PLXDC1: variants seen among roughly 807,000 people sequenced by gnomAD.
PLXDC1 encodes the protein plexin domain-containing protein 1.
PLXDC1 carries 39 observed loss-of-function variants against 61.3 expected under a neutral mutation model. The ratio of observed to expected loss-of-function variants is 0.64; its 90% CI spans 0.49 to 0.83. PLXDC1 has a LOEUF of 0.83. Among genes scored for constraint, PLXDC1 ranks in the 40% least tolerant of loss-of-function variants. The pLI is 0.00. For missense variants in PLXDC1, 596 were observed against 666.5 expected (o/e 0.89, Z 1.17); for synonymous variants, 212 against 254.5 (o/e 0.83, Z 1.59).
At chr17:39,091,027 C>T (rs1909930411) in intron 7 of PLXDC1, among the ~76,000 whole-genome samples, 1 of 152,212 alleles carries the variant, frequency 6.6e-6, no homozygotes. Flanking sequence ...GCCCTGTTCC[C>T]ACCCGTCATC....
At chr17:39,099,601 T>C (rs1294350040) in intron 7 of PLXDC1, among the ~76,000 whole-genome samples, 1 of 151,670 alleles carries the variant, frequency 6.6e-6, no homozygotes, top group Admixed American at 6.6e-5. Flanking sequence ...GGAATGGGAG[T>C]GGGTCAGTCT....
intron 2 of PLXDC1, among the ~76,000 whole-genome samples, chr17:39,133,983 T>G (rs570564599): frequency 6.0e-5 from 9 of 150,018 alleles, no homozygotes; most frequent in African/African-American, 2.2e-4. Flanking sequence ...ATAGGCCAGG[T>G]GCAGTGGCTC....
chr17:39,095,348 A>G (rs1910115876), intron 7 of PLXDC1, among the ~76,000 whole-genome samples: 1 of 140,566 alleles, frequency 7.1e-6, no homozygotes, highest in Non-Finnish European at 1.5e-5. Flanking sequence ...TTTTTTTAAT[A>G]AAAGAATCCT....
At chr17:39,089,866 C>T (rs1442494379) in intron 7 of PLXDC1, among the ~76,000 whole-genome samples, 2 of 152,116 alleles carry the variant, frequency 1.3e-5, no homozygotes, top group Non-Finnish European at 2.9e-5. Flanking sequence ...GGGATGATCT[C>T]GGCTCACTGC....
At chr17:39,135,676 T>TCAAA (rs774933084) in intron 2 of PLXDC1, among the ~76,000 whole-genome samples, 1 of 104,394 alleles carries the variant, frequency 9.6e-6, no homozygotes. Flanking sequence ...ACACTCCGTC[T>TCAAA]AAAAAAAAAA....
At chr17:39,071,533 C>A (rs1909117506) in intron 12 of PLXDC1, among the ~76,000 whole-genome samples, 1 of 152,200 alleles carries the variant, frequency 6.6e-6, no homozygotes, top group Non-Finnish European at 1.5e-5. Context: ...TGGCTAGGGC[C>A]TCTGTCTGCC....
chr17:39,138,861 C>T (rs1223918604), intron 2 of PLXDC1, among the ~76,000 whole-genome samples: 1 of 152,020 alleles, frequency 6.6e-6, no homozygotes, highest in Non-Finnish European at 1.5e-5. Flanking sequence ...CAGCCGCAGG[C>T]ACCTACACAC....
intron 2 of PLXDC1, among the ~76,000 whole-genome samples, chr17:39,119,798 G>A (rs934405538): frequency 6.6e-6 from 1 of 151,590 alleles, no homozygotes; most frequent in Non-Finnish European, 1.5e-5. Context: ...TGAGAAGAGA[G>A]AACTGAGAAA....
intron 7 of PLXDC1, among the ~76,000 whole-genome samples, chr17:39,102,208 GCTCTGTGCATGGATAT>G (rs1910444370): frequency 6.6e-6 from 1 of 152,086 alleles, no homozygotes; most frequent in African/African-American, 2.4e-5. Context: ...AGTGCCTGGT[GCTCTGTGCATGGATAT>G]CTCAGCTAAT....
chr17:39,084,705 C>T (rs953288932), intron 8 of PLXDC1, among the ~76,000 whole-genome samples: 5 of 152,200 alleles, frequency 3.3e-5, no homozygotes, highest in African/African-American at 1.2e-4. Flanking sequence ...GAAGAGGGAG[C>T]GACAGCTGGG....
At chr17:39,076,880 C>T (rs767514413) in intron 11 of PLXDC1, among the ~76,000 whole-genome samples, 6 of 151,980 alleles carry the variant, frequency 3.9e-5, no homozygotes, top group African/African-American at 7.3e-5. Context: ...GGATTACAGG[C>T]GCCCACGACC....
intron 1 of PLXDC1, among the ~76,000 whole-genome samples, chr17:39,149,157 T>A (rs16507): frequency 6.6e-6 from 1 of 152,098 alleles, no homozygotes; most frequent in Non-Finnish European, 1.5e-5. Flanking sequence ...GCTGTTCTAA[T>A]GATAGATGAG....
chr17:39,096,249 A>G (rs1333597262), intron 7 of PLXDC1, among the ~76,000 whole-genome samples: 2 of 152,198 alleles, frequency 1.3e-5, no homozygotes, highest in Non-Finnish European at 2.9e-5. Flanking sequence ...GGGGAGAAGT[A>G]GGGGGGTCCC....
At chr17:39,141,806 C>A (rs1008932460) in intron 1 of PLXDC1, among the ~76,000 whole-genome samples, 6 of 152,190 alleles carry the variant, frequency 3.9e-5, no homozygotes, top group Non-Finnish European at 8.8e-5. Flanking sequence ...TCTCCACATT[C>A]TTGCCAATAC....
At chr17:39,144,190 C>T (rs1438658874) in intron 1 of PLXDC1, among the ~76,000 whole-genome samples, 3 of 152,180 alleles carry the variant, frequency 2.0e-5, no homozygotes, top group African/African-American at 7.2e-5. Context: ...TTGACCTCCA[C>T]ACCCAGTCTT....
intron 2 of PLXDC1, among the ~76,000 whole-genome samples, chr17:39,118,157 C>CCTTTCTCTTTCTTT (rs1341372571): frequency 1.1e-4 from 16 of 142,424 alleles, no homozygotes; most frequent in Admixed American, 9.6e-4. Context: ...TCTCTTCCTT[C>CCTTTCTCTTTCTTT]CTTTCTCTTT....
intron 3 of PLXDC1, 80 bp from the exon 4 acceptor site, chr17:39,109,053 T>C: frequency 7.6e-7 from 1 of 1,313,790 alleles, no homozygotes; most frequent in Non-Finnish European, 1.1e-6. Context: ...CATGCTTGTT[T>C]GGACAGAGTG....
chr17:39,117,024 C>T (rs920745514), intron 2 of PLXDC1, among the ~76,000 whole-genome samples: 1 of 152,240 alleles, frequency 6.6e-6, no homozygotes, highest in Non-Finnish European at 1.5e-5. Context: ...GGAATGGAAG[C>T]TGGGTGAGCA....
intron 2 of PLXDC1, among the ~76,000 whole-genome samples, chr17:39,139,024 G>T (rs1391164895): frequency 6.6e-6 from 1 of 151,934 alleles, no homozygotes; most frequent in African/African-American, 2.4e-5. Context: ...TCCCAGAAAC[G>T]CACAATTATA....
Sources: allele counts gnomAD v4.1 joint callset (sites outside exome capture counted in the v4.1 genomes callset), GRCh38; gene constraint gnomAD v4.1.1; transcripts MANE v1.5; gene names NCBI Gene and HGNC (gene_info 2026-07-23, HGNC 2026-07-21).